PHTF2: variants seen among roughly 807,000 people sequenced by gnomAD.
PHTF2 encodes protein PHTF2.
A neutral mutation model predicts 101.2 loss-of-function variants in PHTF2; 60 were observed. That is an observed-to-expected ratio of 0.59 (90% CI 0.48 to 0.73). The LOEUF (loss-of-function observed/expected upper bound fraction) is 0.73, where lower values mean the gene tolerates loss of function less well. PHTF2 is among the 30% of genes least tolerant of loss of function. The pLI, the probability that PHTF2 is intolerant of heterozygous loss-of-function variation, is 0.00. For synonymous variants in PHTF2, 311 were observed against 307.3 expected, an observed-to-expected ratio of 1.01 and a Z score of -0.13; for missense variants, 747 against 908.7, an observed-to-expected ratio of 0.82 and a Z score of 2.29.
intron 3 of PHTF2, among the ~76,000 whole-genome samples, chr7:77,882,823 A>G (rs1426947781): frequency 6.6e-6 from 1 of 152,150 alleles, no homozygotes; most frequent in Non-Finnish European, 1.5e-5. Flanking sequence ...GTGTGACATT[A>G]TCATCATAGT....
At chr7:77,924,917 G>C (rs1156731924) in intron 11 of PHTF2, among the ~76,000 whole-genome samples, 1 of 152,024 alleles carries the variant, frequency 6.6e-6, no homozygotes, top group Admixed American at 6.6e-5. Flanking sequence ...TACTGTATCT[G>C]GTTGACTTCT....
chr7:77,854,275 C>A (rs1426400436), intron 2 of PHTF2, among the ~76,000 whole-genome samples: 1 of 152,118 alleles, frequency 6.6e-6, no homozygotes, highest in African/African-American at 2.4e-5. Context: ...AGAGTCTCTT[C>A]CTTTCCTTTA....
chr7:77,843,560 A>G (rs867847980), intron 2 of PHTF2, among the ~76,000 whole-genome samples: 1 of 152,230 alleles, frequency 6.6e-6, no homozygotes, highest in Non-Finnish European at 1.5e-5. Context: ...TCTCTTAAAT[A>G]TATGCTTACT....
chr7:77,866,929 T>C (rs914033950), intron 3 of PHTF2, among the ~76,000 whole-genome samples: 4 of 152,116 alleles, frequency 2.6e-5, no homozygotes, highest in Non-Finnish European at 5.9e-5. Context: ...AGAATGCAAA[T>C]AGGCATATAC....
At chr7:77,809,941 T>C (rs1175505597) in intron 1 of PHTF2, among the ~76,000 whole-genome samples, 1 of 152,140 alleles carries the variant, frequency 6.6e-6, no homozygotes, top group Non-Finnish European at 1.5e-5. Flanking sequence ...CCACACTAAA[T>C]GAAATTATGA....
exon 20 of PHTF2, chr7:77,956,665 A>G (rs1361305892): frequency 6.6e-6 from 1 of 152,600 alleles, no homozygotes; most frequent in Admixed American, 6.5e-5. Context: ...AACTTTTTCA[A>G]TATAAGGTAC....
At chr7:77,885,717 T>C (rs533936156) in intron 3 of PHTF2, among the ~76,000 whole-genome samples, 6 of 152,312 alleles carry the variant, frequency 3.9e-5, no homozygotes, top group South Asian at 4.1e-4. Context: ...AGTGCTAGGA[T>C]TACAGATGTG....
intron 1 of PHTF2, among the ~76,000 whole-genome samples, chr7:77,804,659 G>A (rs1468452316): frequency 6.6e-6 from 1 of 152,124 alleles, no homozygotes; most frequent in East Asian, 1.9e-4. Context: ...CAAGCCAAGA[G>A]TCATGTGGTG....
At chr7:77,943,207 G>T (rs113492342) in intron 16 of PHTF2, among the ~76,000 whole-genome samples, 2 of 152,210 alleles carry the variant, frequency 1.3e-5, no homozygotes, top group East Asian at 1.9e-4. Flanking sequence ...TGCAACCTCC[G>T]CCTCCCGGGT....
At chr7:77,943,321 G>A (rs1215196319) in intron 16 of PHTF2, among the ~76,000 whole-genome samples, 1 of 152,102 alleles carries the variant, frequency 6.6e-6, no homozygotes, top group Non-Finnish European at 1.5e-5. Context: ...TAGAGACGGG[G>A]TTTCACCGTG....
chr7:77,826,605 T>C (rs1794712706), intron 1 of PHTF2, among the ~76,000 whole-genome samples: 1 of 152,114 alleles, frequency 6.6e-6, no homozygotes, highest in South Asian at 2.1e-4. Context: ...AAAGTGCTTT[T>C]CCCAACTACA....
At chr7:77,935,717 G>C (rs866909151) in intron 12 of PHTF2, among the ~76,000 whole-genome samples, 1 of 152,164 alleles carries the variant, frequency 6.6e-6, no homozygotes, top group East Asian at 1.9e-4. Context: ...GGCTTTCTTG[G>C]TATTGATATT....
intron 1 of PHTF2, among the ~76,000 whole-genome samples, chr7:77,821,561 T>C (rs1212985268): frequency 6.6e-6 from 1 of 151,996 alleles, no homozygotes; most frequent in African/African-American, 2.4e-5. Context: ...GTGTCCACCA[T>C]AGATGGCCCT....
intron 1 of PHTF2, among the ~76,000 whole-genome samples, chr7:77,826,181 C>A (rs1366793942): frequency 2.0e-5 from 3 of 152,006 alleles, no homozygotes; most frequent in African/African-American, 4.8e-5. Context: ...ATTTTGTTAT[C>A]CTGGCCAAAA....
chr7:77,940,449 T>C, intron 14 of PHTF2, 79 bp from the exon 14 acceptor site: 1 of 1,348,308 alleles, frequency 7.4e-7, no homozygotes. Context: ...AAATAAAATC[T>C]TAACAATTCA....
chr7:77,872,461 A>G (rs1798598172), intron 3 of PHTF2, among the ~76,000 whole-genome samples: 1 of 152,202 alleles, frequency 6.6e-6, no homozygotes. Flanking sequence ...TTAATTAGCC[A>G]ATGCCAGAGC....
chr7:77,861,562 T>G (rs994792592), intron 3 of PHTF2, among the ~76,000 whole-genome samples: 15 of 152,204 alleles, frequency 9.9e-5, no homozygotes, highest in African/African-American at 3.6e-4. Context: ...TTGTGATAGA[T>G]CTGTCCTTTA....
chr7:77,838,627 A>C (rs547826495), intron 1 of PHTF2, among the ~76,000 whole-genome samples: 1 of 152,150 alleles, frequency 6.6e-6, no homozygotes, highest in Non-Finnish European at 1.5e-5. Flanking sequence ...CAAAGATCCT[A>C]TAAGGGGTGG....
intron 9 of PHTF2, among the ~76,000 whole-genome samples, chr7:77,915,491 A>G (rs1802825749): frequency 6.6e-6 from 1 of 152,174 alleles, no homozygotes; most frequent in Non-Finnish European, 1.5e-5. Context: ...GATTACAGGC[A>G]TGAGCCACCA....
Sources: allele counts gnomAD v4.1 joint callset (sites outside exome capture counted in the v4.1 genomes callset), GRCh38; gene constraint gnomAD v4.1.1; transcripts MANE v1.5; gene names NCBI Gene and HGNC (gene_info 2026-07-23, HGNC 2026-07-21).